The following ZNF91 variants were observed in gnomAD, a reference collection of about 807,000 sequenced individuals.
ZNF91 encodes the protein zinc finger protein 91.
Under a neutral mutation model 12.6 loss-of-function variants are expected in ZNF91, and 7 were observed. The ratio of observed to expected loss-of-function variants is 0.55; its 90% CI spans 0.31 to 1.04. The LOEUF is 1.04. Among genes scored for constraint, ZNF91 ranks in the 50% least tolerant of loss-of-function variants. The pLI is 0.05. For synonymous variants in ZNF91, 453 were observed against 462.6 expected (o/e 0.98, Z 0.27); for missense variants, 1,217 against 1,385.4 (o/e 0.88, Z 1.93).
At chr19:23,309,311 C>T (rs1215148663) in intron 1 of ZNF91, among the ~76,000 whole-genome samples, 2 of 152,146 alleles carry the variant, frequency 1.3e-5, no homozygotes, top group Non-Finnish European at 2.9e-5. Context: ...ATAGATGTGA[C>T]TCTCTTCCTC....
At chr19:23,348,637 C>T (rs1374376009) in intron 3 of ZNF91, among the ~76,000 whole-genome samples, 1 of 152,004 alleles carries the variant, frequency 6.6e-6, no homozygotes. Flanking sequence ...GATTGTAAAA[C>T]GTAGGTGTTT....
chr19:23,374,103 G>T (rs1001778607), intron 2 of ZNF91, among the ~76,000 whole-genome samples: 3 of 152,048 alleles, frequency 2.0e-5, no homozygotes, highest in African/African-American at 7.2e-5. Flanking sequence ...CAAAACTTCT[G>T]AAATTACCAC....
chr19:23,373,177 C>A (rs1184475936), intron 3 of ZNF91, among the ~76,000 whole-genome samples: 4 of 151,964 alleles, frequency 2.6e-5, no homozygotes, highest in Non-Finnish European at 5.9e-5. Flanking sequence ...CAAGTGTTTG[C>A]TCCTTCTTTA....
At chr19:23,321,075 A>G (rs1198179630) in intron 1 of ZNF91, among the ~76,000 whole-genome samples, 1 of 152,192 alleles carries the variant, frequency 6.6e-6, no homozygotes, top group African/African-American at 2.4e-5. Flanking sequence ...CATACAAGAC[A>G]TGTTGACTCT....
chr19:23,352,976 T>C (rs1209900959), downstream of ZNF91, among the ~76,000 whole-genome samples: 1 of 152,102 alleles, frequency 6.6e-6, no homozygotes, highest in Non-Finnish European at 1.5e-5. Context: ...CTAATAGACC[T>C]AAGAAACAAG....
chr19:23,321,478 C>G (rs1226954685), intron 1 of ZNF91, among the ~76,000 whole-genome samples: 3 of 152,044 alleles, frequency 2.0e-5, no homozygotes, highest in Non-Finnish European at 4.4e-5. Flanking sequence ...AGGTAATGTA[C>G]TCTCATCTCT....
chr19:23,377,798 T>C (rs1349517060), intron 1 of ZNF91, among the ~76,000 whole-genome samples: 1 of 152,222 alleles, frequency 6.6e-6, no homozygotes, highest in Non-Finnish European at 1.5e-5. Flanking sequence ...CAATGTTTAT[T>C]AAGCAGGTAC....
At chr19:23,340,489 G>C (rs891155673) in intron 3 of ZNF91, among the ~76,000 whole-genome samples, 6 of 152,140 alleles carry the variant, frequency 3.9e-5, no homozygotes, top group African/African-American at 1.4e-4. Context: ...GGAAGAAATA[G>C]AGTACCTGAA....
chr19:23,365,373 A>G (rs1366557123), intron 3 of ZNF91, among the ~76,000 whole-genome samples: 1 of 152,010 alleles, frequency 6.6e-6, no homozygotes, highest in Non-Finnish European at 1.5e-5. Flanking sequence ...TTAGGAGGCA[A>G]GCCTGTCAGA....
chr19:23,388,633 A>T (rs1568404820), intron 1 of ZNF91, among the ~76,000 whole-genome samples: 1 of 152,206 alleles, frequency 6.6e-6, no homozygotes, highest in Non-Finnish European at 1.5e-5. Context: ...GCACTTTGGG[A>T]GGCCAAGGCA....
At chr19:23,382,049 C>CAAAAAAAAAAAAAAAAAAAAAAAAAAAA (rs60814223) in intron 1 of ZNF91, among the ~76,000 whole-genome samples, 2 of 79,402 alleles carry the variant, frequency 2.5e-5, no homozygotes, top group Non-Finnish European at 5.4e-5. Flanking sequence ...AATCCTGAGA[C>CAAAAAAAAAAAAAAAAAAAAAAAAAAAA]AAAAAAAAAA....
At chr19:23,317,867 T>C (rs951302611) in intron 1 of ZNF91, among the ~76,000 whole-genome samples, 8 of 152,192 alleles carry the variant, frequency 5.3e-5, no homozygotes, top group African/African-American at 1.9e-4. Flanking sequence ...ATAGAGGAGA[T>C]GTTGACTCCC....
chr19:23,362,129 G>C lies in ZNF91; in HGVS notation c.850C>G (p.His284Asp). The C allele has an allele frequency of 6.2e-7, 1 of 1,614,124 alleles. No homozygotes were observed. Among genetic ancestry groups the C allele is most frequent in the South Asian group, 1.1e-5 (1 of 91,072 alleles). Reference protein sequence around the residue: ...AFLWSSTLTRHKRIHTGEKPY... With the variant: ...AFLWSSTLTRDKRIHTGEKPY... ...TTCTCTCCAGTGTGTATCCTCTTAT[G>C]TCTAGTTAGGGTTGAGGACCATAGA... Residue 284 changes from histidine (H) to aspartate (D), a missense_variant, in exon 4 of 4, where the codon CAT (histidine) becomes GAT (aspartate). Physicochemically the swap from His to Asp is moderately conservative, Grantham distance 81. Around this residue, in one of 2 missense-constraint regions of ZNF91, gnomAD observed 726 missense variants for 895.5 expected, o/e 0.81. Coordinates refer to ENST00000300619, the MANE Select transcript of ZNF91 (RefSeq NM_003430.4).
intron 1 of ZNF91, chr19:23,324,112 CTT>C (rs1967788796): frequency 6.9e-6 from 1 of 144,382 alleles, no homozygotes; most frequent in African/African-American, 2.7e-5. Flanking sequence ...CTCCTTTCCT[CTT>C]TTTCTCATCC....
chr19:23,370,115 A>G (rs1969214926), intron 3 of ZNF91, among the ~76,000 whole-genome samples: 1 of 152,110 alleles, frequency 6.6e-6, no homozygotes, highest in African/African-American at 2.4e-5. Context: ...TGTACTTTAA[A>G]TAAAATTATT....
chr19:23,388,591 G>T (rs1330383425), intron 1 of ZNF91, among the ~76,000 whole-genome samples: 1 of 152,174 alleles, frequency 6.6e-6, no homozygotes, highest in Non-Finnish European at 1.5e-5. Context: ...CAATGCGGAG[G>T]CCAAATGCAG....
chr19:23,367,970 C>T (rs570725966), intron 3 of ZNF91, among the ~76,000 whole-genome samples: 1 of 151,936 alleles, frequency 6.6e-6, no homozygotes, highest in Non-Finnish European at 1.5e-5. Context: ...AGTGCAGTGG[C>T]GCAGTCTCGG....
chr19:23,327,135 G>A (rs942811671), intron 1 of ZNF91: 1 of 151,938 alleles, frequency 6.6e-6, no homozygotes, highest in African/African-American at 2.4e-5. Flanking sequence ...ATAATTCTTG[G>A]TTTTAAAAAT....
At chr19:23,328,639 T>C (rs1231119119) in intron 1 of ZNF91, 3 of 152,170 alleles carry the variant, frequency 2.0e-5, no homozygotes, top group South Asian at 2.1e-4. Flanking sequence ...AAGTAGTAAA[T>C]AGACCAGGTA....
Sources: gnomAD v4.1 joint callset for allele counts (sites outside exome capture counted in the v4.1 genomes callset) on GRCh38, gnomAD v4.1.1 for gene constraint, gnomAD v4.1.1 regional missense constraint, MANE v1.5 for transcripts, NCBI Gene and HGNC (gene_info 2026-07-23, HGNC 2026-07-21) for gene names.